Variants in VPS37A observed in about 807,000 individuals in gnomAD.
VPS37A encodes the protein VPS37A subunit of ESCRT-I.
VPS37A carries 30 observed loss-of-function variants against 49.8 expected under a neutral mutation model. The ratio of observed to expected loss-of-function variants is 0.60; its 90% CI spans 0.45 to 0.82. The LOEUF is 0.82. Among genes scored for constraint, VPS37A ranks in the 40% least tolerant of loss-of-function variants. The pLI, the probability that VPS37A is intolerant of heterozygous loss-of-function variation, is 0.00. For missense variants in VPS37A, 593 were observed against 464.4 expected, an observed-to-expected ratio of 1.28 and a Z score of -2.55; for synonymous variants, 195 against 160.6, an observed-to-expected ratio of 1.21 and a Z score of -1.62.
At chr8:17,288,522 C>T (rs534860605) in intron 11 of VPS37A, among the ~76,000 whole-genome samples, 28 of 152,162 alleles carry the variant, frequency 1.8e-4, no homozygotes, top group Admixed American at 1.8e-3. Flanking sequence ...TTTCCAGCTT[C>T]GTCTGTGTCC....
chr8:17,299,060 G>C (rs879840403), downstream of VPS37A: 1 of 152,200 alleles, frequency 6.6e-6, no homozygotes, highest in Non-Finnish European at 1.5e-5. Flanking sequence ...GGCCCACACT[G>C]TCGGTAGTGT....
chr8:17,279,341 G>GT (rs1348762203), intron 6 of VPS37A, among the ~76,000 whole-genome samples: 2 of 152,118 alleles, frequency 1.3e-5, no homozygotes, highest in African/African-American at 4.8e-5. Flanking sequence ...AAATGTTACA[G>GT]TAACTACTCT....
chr8:17,269,842 T>C (rs1367884681), intron 4 of VPS37A, among the ~76,000 whole-genome samples: 1 of 152,192 alleles, frequency 6.6e-6, no homozygotes, highest in Non-Finnish European at 1.5e-5. Flanking sequence ...AAAGATACTG[T>C]TTTAGTCTTG....
chr8:17,291,600 T>C (rs1816164168), intron 11 of VPS37A, among the ~76,000 whole-genome samples: 1 of 152,210 alleles, frequency 6.6e-6, no homozygotes, highest in South Asian at 2.1e-4. Flanking sequence ...TACCGCTTTC[T>C]CCTGTGGGCA....
downstream of VPS37A, among the ~76,000 whole-genome samples, chr8:17,303,854 C>T (rs998945135): frequency 6.6e-6 from 1 of 152,152 alleles, no homozygotes; most frequent in African/African-American, 2.4e-5. Context: ...GGGTGATCCA[C>T]CCGCCTCGGC....
chr8:17,299,795 A>G (rs1177864945), downstream of VPS37A: 2 of 1,579,872 alleles, frequency 1.3e-6, no homozygotes, highest in Admixed American at 1.8e-5. Flanking sequence ...ACAATAAACC[A>G]CCTTGTTCCC....
At chr8:17,275,080 C>G (rs908254870) in intron 5 of VPS37A, 122 bp downstream of exon 5, 1 of 912,382 alleles carries the variant, frequency 1.1e-6, no homozygotes, top group Admixed American at 2.8e-5. Flanking sequence ...AAGATGAACT[C>G]ACATTTTTCA....
intron 1 of VPS37A, among the ~76,000 whole-genome samples, chr8:17,256,708 A>C (rs901894422): frequency 4.6e-5 from 7 of 151,482 alleles, no homozygotes; most frequent in Non-Finnish European, 1.0e-4. Flanking sequence ...GCTGGAGTGC[A>C]ATGGCACTGT....
chr8:17,325,199 G>A, the VPS37A span, among the ~76,000 whole-genome samples: 1 of 151,948 alleles, frequency 6.6e-6, no homozygotes, highest in Non-Finnish European at 1.5e-5. Flanking sequence ...TGTGTCCGGG[G>A]CTCTTCCCTT....
At chr8:17,278,667 C>G (rs1312076372) in intron 6 of VPS37A, among the ~76,000 whole-genome samples, 1 of 152,030 alleles carries the variant, frequency 6.6e-6, no homozygotes, top group East Asian at 1.9e-4. Context: ...AGTACTGTTA[C>G]TAAGATTATT....
rs555015744 is a variant in VPS37A, at chr8:17,264,810, C to G, written c.126-1097C>G. 5.3e-5 allele frequency among the ~76,000 whole-genome samples: 8 copies of G among 152,264 alleles called. 1 individual carries two copies. The South Asian group carries it at 1.7e-3, about 32-fold the overall frequency. The stretch of plus-strand genomic sequence containing the variant: ...CTGCAACCTCACCTCATTAATACTA[C>G]TTAGCATTTTCCCCCTTGGAAATAT... On this transcript the variant is annotated intron_variant, in intron 1 of 11. Transcript: ENST00000324849.
chr8:17,293,573 T>G (rs1816339450), intron 11 of VPS37A, among the ~76,000 whole-genome samples: 1 of 152,224 alleles, frequency 6.6e-6, no homozygotes, highest in African/African-American at 2.4e-5. Flanking sequence ...TTTGCACTGG[T>G]TTTTCCTCAT....
downstream of VPS37A, chr8:17,302,282 TGGAAA>T: frequency 6.2e-7 from 1 of 1,612,358 alleles, no homozygotes. Context: ...CTCCAAAACC[TGGAAA>T]GGATGGCAAA....
At chr8:17,254,246 G>C (rs1812230036) in intron 1 of VPS37A, among the ~76,000 whole-genome samples, 1 of 152,198 alleles carries the variant, frequency 6.6e-6, no homozygotes, top group Non-Finnish European at 1.5e-5. Context: ...CCTTAGGTAG[G>C]GCAAGTTGAT....
chr8:17,275,030 C>A, intron 5 of VPS37A, 72 bp downstream of exon 5: 1 of 1,342,782 alleles, frequency 7.4e-7, no homozygotes, highest in Non-Finnish European at 1.0e-6. Flanking sequence ...TTATTACATG[C>A]CTCTGTGTGC....
intron 4 of VPS37A, chr8:17,272,180 G>A: frequency 2.3e-6 from 1 of 428,890 alleles, no homozygotes; most frequent in Admixed American, 2.6e-5. Context: ...CCTCCTAACA[G>A]CCTCTTTGAG....
chr8:17,261,523 T>A (rs1812961143), intron 1 of VPS37A, among the ~76,000 whole-genome samples: 2 of 152,256 alleles, frequency 1.3e-5, no homozygotes, highest in South Asian at 4.1e-4. Context: ...TGCTCTTGTT[T>A]CCTGCGGATG....
At chr8:17,316,244 A>G in the VPS37A span, among the ~76,000 whole-genome samples, 1 of 151,966 alleles carries the variant, frequency 6.6e-6, no homozygotes, top group Non-Finnish European at 1.5e-5. Context: ...CCTTATTACT[A>G]TTATTCTCAA....
downstream of VPS37A, chr8:17,304,542 A>G (rs1480618968): frequency 2.5e-6 from 4 of 1,605,184 alleles, no homozygotes; most frequent in Non-Finnish European, 2.6e-6. Context: ...AAATAAGTCT[A>G]TAAATGACCT....
Sources: gnomAD v4.1 joint callset for allele counts (sites outside exome capture counted in the v4.1 genomes callset) on GRCh38, gnomAD v4.1.1 for gene constraint, MANE v1.5 for transcripts, NCBI Gene and HGNC (gene_info 2026-07-23, HGNC 2026-07-21) for gene names.